The following ECT2L variants were observed in gnomAD, a reference collection of about 807,000 sequenced individuals.
The protein encoded by ECT2L is epithelial cell-transforming sequence 2 oncogene-like.
A neutral mutation model predicts 122.8 loss-of-function variants in ECT2L; 126 were observed. The ratio of observed to expected loss-of-function variants is 1.03; its 90% CI spans 0.89 to 1.19. The LOEUF (loss-of-function observed/expected upper bound fraction) is 1.19, where lower values mean the gene tolerates loss of function less well. Among genes scored for constraint, ECT2L ranks in the 50% most tolerant of loss-of-function variants. The probability of loss-of-function intolerance (pLI) is 0.00; values close to 1 mark genes in which losing one functional copy is unlikely to be tolerated. For missense variants in ECT2L, 1,012 were observed against 1,064.1 expected (o/e 0.95, Z 0.68); for synonymous variants, 385 against 381.8 (o/e 1.01, Z -0.10).
chr6:138,901,241 C>A, intron 21 of ECT2L, 121 bp downstream of exon 21: 1 of 1,005,600 alleles, frequency 9.9e-7, no homozygotes, highest in Non-Finnish European at 1.4e-6. Context: ...AAACAATTCC[C>A]CCAATATTAG....
chr6:138,889,583 G>A (rs1188837), intron 20 of ECT2L, among the ~76,000 whole-genome samples: 52,569 of 152,022 alleles, frequency 0.35, 11,112 homozygotes, highest in Admixed American at 0.5. Context: ...GCCTCCCAAA[G>A]TGCTGGGATT....
chr6:138,884,977 A>AAGTTCAAT (rs1467551259), intron 16 of ECT2L, among the ~76,000 whole-genome samples: 1 of 151,388 alleles, frequency 6.6e-6, no homozygotes, highest in East Asian at 1.9e-4. Context: ...TATACTGATT[A>AAGTTCAAT]AGTTCAATGA....
At chr6:138,849,532 CTA>C (rs2128393229) in intron 9 of ECT2L, 98 bp downstream of exon 9, 1 of 1,240,104 alleles carries the variant, frequency 8.1e-7, no homozygotes, top group Admixed American at 3.2e-5. Context: ...TTCCAAGTTG[CTA>C]AGACGTGTTG....
Position 138,813,322 on chromosome 6 carries a change from C to G in ECT2L, c.48C>G (p.Asn16Lys). Residue 16 changes from asparagine to lysine, a missense_variant, in exon 3 of 22, where the codon AAC (asparagine) becomes AAG (lysine). Physicochemically the swap from Asn to Lys is moderately conservative, Grantham distance 94. Transcript: ENST00000541398. ...TRFSAWTPFS[N>K]KSLNRQLFQE... is the part of the protein sequence containing the mutation. ...TTAGTGCCTGGACACCTTTTAGCAA[C>G]AAGTCATTAAATAGACAGGTAAGTT... 1 of 1,611,332 alleles carries G rather than the reference C, an allele frequency of 6.2e-7. No homozygotes were observed. The highest frequency in any genetic ancestry group is 8.5e-7 in the Non-Finnish European group (1 of 1,179,238).
chr6:138,810,408 C>A (rs1466764029), intron 1 of ECT2L, among the ~76,000 whole-genome samples: 3 of 152,190 alleles, frequency 2.0e-5, no homozygotes, highest in Admixed American at 6.5e-5. Flanking sequence ...AAAAACATCT[C>A]AGGGAAGAAA....
intron 11 of ECT2L, among the ~76,000 whole-genome samples, chr6:138,863,807 G>T (rs898498848): frequency 4.0e-5 from 6 of 150,772 alleles, no homozygotes; most frequent in African/African-American, 9.7e-5. Context: ...GTAGAGACGG[G>T]GTTTCACCAT....
Position 138,846,519 on chromosome 6 carries a change from T to C in ECT2L, c.765-20T>C. On this transcript the variant is annotated intron_variant, in intron 7 of 21. Coordinates refer to ENST00000541398, the MANE Select transcript of ECT2L (RefSeq NM_001077706.3). ...GGTAAGAGAAAATGAAAACTTCTCATATTTCCTTTTACTCCATAGAAGCAA... is the reference window on the plus strand; with the variant it reads ...GGTAAGAGAAAATGAAAACTTCTCACATTTCCTTTTACTCCATAGAAGCAA... 6.4e-7 allele frequency: 1 copy of C among 1,557,356 alleles called. No homozygotes were observed. Among genetic ancestry groups the C allele is most frequent in the Non-Finnish European group, 8.6e-7 (1 of 1,156,146 alleles).
chr6:138,838,268 G>C, intron 4 of ECT2L, 84 bp from the exon 5 acceptor site: 1 of 1,178,376 alleles, frequency 8.5e-7, no homozygotes, highest in Non-Finnish European at 1.2e-6. Context: ...AACATTGGAG[G>C]AAGATCAATG....
intron 4 of ECT2L, among the ~76,000 whole-genome samples, chr6:138,819,993 T>C (rs1329002724): frequency 6.6e-6 from 1 of 152,214 alleles, no homozygotes; most frequent in African/African-American, 2.4e-5. Context: ...GCTGGAGAAA[T>C]CTTTCCCCTT....
At chr6:138,900,795 G>A (rs1045095095) in intron 20 of ECT2L, among the ~76,000 whole-genome samples, 153 bp from the exon 21 acceptor site, 1 of 152,172 alleles carries the variant, frequency 6.6e-6, no homozygotes, top group Non-Finnish European at 1.5e-5. Flanking sequence ...CACATCAGGA[G>A]GAATATTATA....
chr6:138,864,076 T>G (rs1050982420), intron 11 of ECT2L, among the ~76,000 whole-genome samples: 4 of 141,144 alleles, frequency 2.8e-5, no homozygotes, highest in African/African-American at 1.1e-4. Flanking sequence ...ATCCCAGCAC[T>G]TTGGGAGGCT....
intron 9 of ECT2L, among the ~76,000 whole-genome samples, chr6:138,850,333 C>T (rs7762797): frequency 0.56 from 85,123 of 151,698 alleles, 23,931 homozygotes; most frequent in Middle Eastern, 0.67. Flanking sequence ...TTAGTAGAGA[C>T]AGGGTTCCAC....
rs180744638 is a variant in ECT2L, at chr6:138,843,202, G to T, written c.566G>T (p.Arg189Ile). 3.1e-6 allele frequency: 5 copies of T among 1,609,210 alleles called. No individual in the cohort carries two copies. The highest frequency in any genetic ancestry group is 2.2e-5 in the East Asian group (1 of 44,850). The change falls in exon 6 of 22, where the codon AGA (arginine) becomes ATA (isoleucine). Residue 189 changes from arginine (R) to isoleucine (I), a missense_variant. By Grantham distance (97) the Arg-to-Ile change is moderately conservative. Coordinates refer to ENST00000541398, the MANE Select transcript of ECT2L (RefSeq NM_001077706.3). ...ERQREKCLRK[R>I]IWEKIALRKK... The stretch of plus-strand genomic sequence containing the variant: ...CAAAGAGAAAAGTGCCTGAGGAAAA[G>T]AATTTGGGAGAAAATTGCACTACGT...
At chr6:138,818,593 G>A (rs1471383941) in intron 4 of ECT2L, among the ~76,000 whole-genome samples, 1 of 152,238 alleles carries the variant, frequency 6.6e-6, no homozygotes, top group East Asian at 1.9e-4. Context: ...ACTTGCTGAA[G>A]ACAGTAAGGC....
rs754030138 is a variant in ECT2L at position 138,885,699 on chromosome 6, T to C, written c.2128T>C (p.Ser710Pro). The C allele has an allele frequency of 6.2e-7, 1 of 1,614,116 alleles. No individual in the cohort carries two copies. The highest frequency in any genetic ancestry group is 8.5e-7 in the Non-Finnish European group (1 of 1,180,004). ...CCTGCCAGAGCTGCTGCTGTACCCA[T>C]CCCGAAGATTTGAAGAATACCTTAA... The part of the protein sequence containing the change: ...LSLPELLLYP[S>P]RRFEEYLNLL... The change falls in exon 18 of 22, where the codon TCC becomes CCC. Residue 710 changes from serine to proline, a missense_variant. Coordinates refer to ENST00000541398, the MANE Select transcript of ECT2L (RefSeq NM_001077706.3).
intron 16 of ECT2L, 127 bp from the exon 17 acceptor site, chr6:138,885,379 T>C (rs1285595360): frequency 2.5e-6 from 2 of 811,570 alleles, no homozygotes; most frequent in Admixed American, 2.1e-5. Flanking sequence ...ACTAACAGTC[T>C]ACTAATTGGT....
chr6:138,896,586 A>T (rs1369834655), intron 20 of ECT2L, among the ~76,000 whole-genome samples: 1 of 152,112 alleles, frequency 6.6e-6, no homozygotes, highest in Non-Finnish European at 1.5e-5. Context: ...ATCAGTTTTG[A>T]CTCAGGTCAG....
At chr6:138,801,581 G>A (rs1384650236) in intron 1 of ECT2L, among the ~76,000 whole-genome samples, 2 of 151,934 alleles carry the variant, frequency 1.3e-5, no homozygotes, top group Non-Finnish European at 2.9e-5. Flanking sequence ...GTGAAACCCC[G>A]TCTCTACTGA....
intron 9 of ECT2L, among the ~76,000 whole-genome samples, chr6:138,853,217 C>A (rs907906740): frequency 1.3e-5 from 2 of 152,154 alleles, no homozygotes; most frequent in African/African-American, 4.8e-5. Context: ...CCACCTGCCT[C>A]GGCCTCCCAA....
Sources: gnomAD v4.1 joint callset for allele counts (sites outside exome capture counted in the v4.1 genomes callset) on GRCh38, gnomAD v4.1.1 for gene constraint, MANE v1.5 for transcripts, NCBI Gene and HGNC (gene_info 2026-07-23, HGNC 2026-07-21) for gene names.